Variants in PDE6A observed in about 807,000 individuals in gnomAD.
PDE6A encodes the protein phosphodiesterase 6A.
Under a neutral mutation model 106.3 loss-of-function variants are expected in PDE6A, and 84 were observed. The observed-to-expected ratio is 0.79, with a 90% confidence interval of 0.66 to 0.95. The LOEUF is 0.95. Among genes scored for constraint, PDE6A ranks in the 40% least tolerant of loss-of-function variants. The pLI is 0.00. For synonymous variants in PDE6A, 394 were observed against 386.6 expected (o/e 1.02, Z -0.23); for missense variants, 1,052 against 1,084.9 (o/e 0.97, Z 0.43).
chr5:149,928,277 A>G (rs1268468903), intron 4 of PDE6A, among the ~76,000 whole-genome samples: 1 of 113,730 alleles, frequency 8.8e-6, no homozygotes, highest in African/African-American at 3.9e-5. Context: ...TCTGTCACCC[A>G]AACTGGAGTG....
chr5:149,876,944 T>C (rs746224240), intron 17 of PDE6A, among the ~76,000 whole-genome samples: 3 of 151,856 alleles, frequency 2.0e-5, no homozygotes, highest in Non-Finnish European at 2.9e-5. Context: ...CATAGATAGA[T>C]AGATGATAGA....
At chr5:149,943,869 G>A (rs73271612) in intron 1 of PDE6A, among the ~76,000 whole-genome samples, 2,719 of 152,190 alleles carry the variant, frequency 0.018, 79 homozygotes, top group African/African-American at 0.061. Context: ...TGGGAGCATC[G>A]CCAGTACTTA....
intron 20 of PDE6A, 96 bp downstream of exon 20, chr5:149,866,074 C>G: frequency 1.2e-6 from 1 of 866,538 alleles, no homozygotes. Flanking sequence ...GTATCACCCA[C>G]TGGTCACCTG....
At chr5:149,929,102 A>T (rs1753950880) in intron 4 of PDE6A, among the ~76,000 whole-genome samples, 1 of 152,216 alleles carries the variant, frequency 6.6e-6, no homozygotes, top group Non-Finnish European at 1.5e-5. Flanking sequence ...AATACTCTGA[A>T]ATTCTACTTC....
intron 13 of PDE6A, among the ~76,000 whole-genome samples, chr5:149,893,114 T>G (rs1416251157): frequency 6.6e-6 from 1 of 152,212 alleles, no homozygotes; most frequent in African/African-American, 2.4e-5. Flanking sequence ...AAGAAGCCCT[T>G]TGTGACCCAC....
chr5:149,884,398 G>GTA (rs1312395596), intron 16 of PDE6A, 81 bp downstream of exon 16: 6 of 816,052 alleles, frequency 7.4e-6, no homozygotes, highest in South Asian at 5.7e-5. Context: ...GTGTATATAT[G>GTA]TATATATATG....
At position 149,907,328 on chromosome 5, in the gene PDE6A, A is replaced by G; in HGVS notation, c.1049T>C (p.Val350Ala). The G allele has an allele frequency of 6.2e-7, 1 of 1,613,862 alleles. No homozygotes were observed. The highest frequency in any genetic ancestry group is 1.1e-5 in the South Asian group (1 of 91,070). ...ATTACTTACCAGGCCATTCTGGGCA[A>G]CATAAGCTGGGAGACCGCTTACTAA... ...WALVSGLPAYVAQNGLICNIM... is the reference protein window; with the variant it reads ...WALVSGLPAYAAQNGLICNIM... The change falls in exon 7 of 22, where the codon GTT (valine) becomes GCT (alanine). Residue 350 changes from valine (V) to alanine (A), a missense_variant. Around this residue, in one of 3 missense-constraint regions of PDE6A, gnomAD observed 913 missense variants for 915.2 expected, o/e 1.00. Transcript: ENST00000255266.
At chr5:149,943,045 G>A (rs1196314223) in intron 1 of PDE6A, among the ~76,000 whole-genome samples, 2 of 151,710 alleles carry the variant, frequency 1.3e-5, no homozygotes, top group South Asian at 2.1e-4. Flanking sequence ...GACCCTTTAC[G>A]GGTGTTGGGC....
At position 149,891,802 on chromosome 5, in the gene PDE6A, CA is replaced by C. The variant is rs1273407176; in HGVS notation, c.1728+3380del. On this transcript the variant is annotated intron_variant, in intron 13 of 21. Transcript: ENST00000255266. ...TAGGCAACAGAGCAAGACCCTATCT[CA>C]AAAAAAAAAGGAAAAAAAAAGTTTG... 1.6e-3 allele frequency among the ~76,000 whole-genome samples: 216 copies of C among 136,644 alleles called. 1 individual carries two copies. The highest frequency in any genetic ancestry group is 2.5e-3 in the Non-Finnish European group (159 of 62,908). 89.6% of individuals were successfully genotyped at this position (136,644 alleles called of 152,430 possible). A position where few individuals can be genotyped will look rare whatever the true frequency, so the allele number is the denominator to read the frequency against.
intron 4 of PDE6A, among the ~76,000 whole-genome samples, chr5:149,930,109 A>G (rs554945423): frequency 6.6e-6 from 1 of 152,312 alleles, no homozygotes; most frequent in East Asian, 1.9e-4. Context: ...ATGTGCTGAC[A>G]TGGAAAGATG....
chr5:149,937,833 C>G (rs1307882708), intron 1 of PDE6A, among the ~76,000 whole-genome samples: 4 of 152,176 alleles, frequency 2.6e-5, no homozygotes, highest in Non-Finnish European at 5.9e-5. Flanking sequence ...AGACAACTGA[C>G]ATATATTATC....
rs1561694591 is a variant in PDE6A, at chr5:149,876,941, A to ACATAGATAGATAGAT, written c.2135+6487_2135+6488insATCTATCTATCTATG. 1.9e-3 allele frequency among the ~76,000 whole-genome samples: 285 copies of ACATAGATAGATAGAT among 152,252 alleles called. 2 individuals carry two copies. Among genetic ancestry groups the ACATAGATAGATAGAT allele is most frequent in the African/African-American group, 6.2e-3 (258 of 41,522 alleles). On this transcript the variant is annotated intron_variant, in intron 17 of 21. Coordinates refer to ENST00000255266, the MANE Select transcript of PDE6A (RefSeq NM_000440.3). ...TAGATAGATAGATAGATACATAGATAGATAGATGATAGATAGATAGATAGA... is the reference window on the plus strand; with the variant it reads ...TAGATAGATAGATAGATACATAGATACATAGATAGATAGATGATAGATGATAGATAGATAGATAGA...
At position 149,898,511 on chromosome 5, in the gene PDE6A, AAAAG is replaced by A. The variant is rs538441314; in HGVS notation, c.1264-9_1264-6del. On this transcript the variant is annotated splice_region_variant and splice_polypyrimidine_tract_variant and intron_variant, in intron 9 of 21. Coordinates refer to ENST00000255266, the MANE Select transcript of PDE6A (RefSeq NM_000440.3). The stretch of plus-strand genomic sequence containing the variant: ...GCCCAGAAATTGAGTCAAAGACTGA[AAAAG>A]AAAGAAAGGAGGAATCAGAGACAGA... 6 of 1,612,418 alleles carry A rather than the reference AAAAG, an allele frequency of 3.7e-6. No individual in the cohort carries two copies. The African/African-American group carries it at 4.0e-5, about 11-fold the overall frequency.
rs557072595 is a variant in PDE6A at position 149,904,371 on chromosome 5, C to T, written c.1066-676G>A. Among the ~76,000 whole-genome samples the T allele has an allele frequency of 3.3e-5, 5 of 152,230 alleles. 1 individual carries two copies. The South Asian group carries it at 1.0e-3, about 32-fold the overall frequency. On this transcript the variant is annotated intron_variant, in intron 7 of 21. Transcript: ENST00000255266. The stretch of plus-strand genomic sequence containing the variant: ...TGTTGTAGCTCTGGTTCTATATTGC[C>T]AGATTCCTCTCCTGAAAATTGAACC...
intron 9 of PDE6A, among the ~76,000 whole-genome samples, 176 bp downstream of exon 9, chr5:149,899,199 T>C (rs1752872366): frequency 6.6e-6 from 1 of 152,176 alleles, no homozygotes; most frequent in Non-Finnish European, 1.5e-5. Context: ...AATGTGGATT[T>C]CTCTGACAGC....
At chr5:149,884,685 TG>T in intron 15 of PDE6A, 94 bp downstream of exon 15, 1 of 1,447,196 alleles carries the variant, frequency 6.9e-7, no homozygotes, top group Non-Finnish European at 9.7e-7. Context: ...CCCAGGCCAA[TG>T]GGAAGAATGC....
In PDE6A at chr5:149,944,225, A is replaced by G. The variant is rs1245519930; in HGVS notation, c.449T>C (p.Ile150Thr). Residue 150 changes from isoleucine to threonine, a missense_variant, in exon 1 of 22, where the codon ATT (isoleucine) becomes ACT (threonine). Physicochemically the swap from Ile to Thr is moderately conservative, Grantham distance 89 (BLOSUM62 -1). This residue lies in a region of PDE6A where 913 missense variants were observed against 915.2 expected (regional missense o/e 1.00). Coordinates refer to ENST00000255266, the MANE Select transcript of PDE6A (RefSeq NM_000440.3). ...IVGHVAHSKK[I>T]ANVPNTEEDE... ...CTCCTCTGTGTTGGGGACGTTAGCA[A>G]TCTTCTTAGAGTGTGCGACATGGCC... is the stretch of plus-strand genomic sequence containing the variant. 2.5e-6 allele frequency: 4 copies of G among 1,613,758 alleles called. No homozygotes were observed. The highest frequency in any genetic ancestry group is 1.1e-5 in the South Asian group (1 of 91,052).
rs1265897475 is a variant in PDE6A, at chr5:149,907,276, T to C, written c.1065+36A>G. 4 of 1,482,178 alleles carry C rather than the reference T, an allele frequency of 2.7e-6. No individual in the cohort carries two copies. In the African/African-American group the frequency reaches 5.5e-5, roughly 21 times the overall value. 91.8% of individuals were successfully genotyped at this position (1,482,178 alleles called of 1,614,324 possible). On this transcript the variant is annotated intron_variant, in intron 7 of 21. Transcript: ENST00000255266. ...TCCTTCCACTCTTTCTTCCACGTGA[T>C]CCAAAACTCTCCCCCTTCAAAGTTA...
Position 149,896,790 on chromosome 5 carries a change from A to G in PDE6A, c.1408-14T>C. On this transcript the variant is annotated splice_polypyrimidine_tract_variant and intron_variant, in intron 10 of 21. Coordinates refer to ENST00000255266, the MANE Select transcript of PDE6A (RefSeq NM_000440.3). ...CTCTCTGGTTTTCTGCCAGGACCCA[A>G]AATGGCAGGGGAAAAAAAATAGGTT... 6.2e-7 allele frequency: 1 copy of G among 1,614,014 alleles called. No individual in the cohort carries two copies. Among genetic ancestry groups the G allele is most frequent in the Non-Finnish European group, 8.5e-7 (1 of 1,179,968 alleles).
Sources: gnomAD v4.1 joint callset for allele counts (sites outside exome capture counted in the v4.1 genomes callset) on GRCh38, gnomAD v4.1.1 for gene constraint, gnomAD v4.1.1 regional missense constraint, MANE v1.5 for transcripts, NCBI Gene and HGNC (gene_info 2026-07-23, HGNC 2026-07-21) for gene names.